Variants in BPIFB2 observed in about 807,000 individuals in gnomAD.
The protein encoded by BPIFB2 is BPI fold containing family B member 2.
BPIFB2 carries 39 observed loss-of-function variants against 50.1 expected under a neutral mutation model. That is an observed-to-expected ratio of 0.78 (90% CI 0.60 to 1.02). The LOEUF (loss-of-function observed/expected upper bound fraction) is 1.02. Ranked by LOEUF, BPIFB2 falls within the 50% of genes least tolerant of loss-of-function variation. The probability of loss-of-function intolerance (pLI) is 0.00; values close to 1 mark genes in which losing one functional copy is unlikely to be tolerated. For synonymous variants in BPIFB2, 280 were observed against 256.3 expected (o/e 1.09, Z -0.88); for missense variants, 574 against 585.8 (o/e 0.98, Z 0.21).
At chr20:33,018,477 G>T in intron 8 of BPIFB2, 127 bp downstream of exon 8, 2 of 1,278,622 alleles carry the variant, frequency 1.6e-6, no homozygotes, top group Non-Finnish European at 2.2e-6. Context: ...TGTCCCAGCC[G>T]GGAGCATGCC....
rs745651259 is a variant in BPIFB2, at chr20:33,021,334, C to T, written c.1248C>T (p.Asp416=). ...MGTVFEKPLL[D]HLNALLAMGI... ...CCGTTTTTGAGAAGCCCCTGCTGGA[C>T]CATCTCAATGGTAAGCCCTGCCCTC... is the stretch of plus-strand genomic sequence containing the variant. The change falls in exon 14 of 16, where the codon GAC becomes GAT. Residue 416 remains aspartate, a synonymous_variant. Transcript: ENST00000170150. The T allele has an allele frequency of 6.2e-7, 1 of 1,613,482 alleles. No homozygotes were observed. The highest frequency in any genetic ancestry group is 1.3e-5 in the African/African-American group (1 of 75,040).
chr20:33,011,058 C>G lies in BPIFB2; in HGVS notation c.144C>G (p.Ala48=), dbSNP rs779691278. The G allele has an allele frequency of 1.4e-5, 22 of 1,613,932 alleles. No individual in the cohort carries two copies. The Admixed American group carries it at 3.0e-4, about 22-fold the overall frequency. Residue 48 remains alanine (A), a synonymous_variant, in exon 3 of 16, where the codon GCC becomes GCG. Transcript: ENST00000170150. ...SEIGKAPLQR[A]LQVTVPHFLD... ...TTGGGAAAGCCCCTCTCCAGCGGGC[C>G]CTGCAGGTCACTGTCCCTCATTTCC...
chr20:33,010,975 T>C (rs6120085), intron 2 of BPIFB2, 49 bp from the exon 3 acceptor site: 438,807 of 1,503,296 alleles, frequency 0.29, 66,213 homozygotes, highest in Admixed American at 0.38. Flanking sequence ...TTCTTGCTAC[T>C]TGGTGGTTCC....
chr20:33,011,330 A>C (rs1990285394), intron 3 of BPIFB2, among the ~76,000 whole-genome samples: 1 of 152,212 alleles, frequency 6.6e-6, no homozygotes, highest in Non-Finnish European at 1.5e-5. Flanking sequence ...AAGATGATTT[A>C]AGAGAGGGAC....
chr20:33,014,001 A>T, intron 5 of BPIFB2, 45 bp downstream of exon 5: 1 of 1,588,848 alleles, frequency 6.3e-7, no homozygotes, highest in South Asian at 1.1e-5. Context: ...CCAGATGCCA[A>T]AGCTGTGCTG....
At chr20:33,022,054 CTGG>C (rs1487455078) in intron 15 of BPIFB2, among the ~76,000 whole-genome samples, 1 of 152,192 alleles carries the variant, frequency 6.6e-6, no homozygotes, top group Non-Finnish European at 1.5e-5. Flanking sequence ...ATCCTGTGCC[CTGG>C]AATGGGCACA....
intron 6 of BPIFB2, 134 bp from the exon 7 acceptor site, chr20:33,016,908 G>A (rs1978450065): frequency 1.3e-6 from 1 of 754,496 alleles, no homozygotes; most frequent in East Asian, 2.6e-5. Context: ...ACTGGCGGGT[G>A]GAGGAAGGGA....
At chr20:33,011,966 T>C (rs1990295168) in intron 3 of BPIFB2, among the ~76,000 whole-genome samples, 1 of 152,084 alleles carries the variant, frequency 6.6e-6, no homozygotes. Flanking sequence ...ACGACAAGAA[T>C]GAAACTCTGT....
intron 11 of BPIFB2, 114 bp downstream of exon 11, chr20:33,019,864 A>T: frequency 7.7e-7 from 1 of 1,303,984 alleles, no homozygotes; most frequent in South Asian, 1.7e-5. Flanking sequence ...CTGTTCCTTG[A>T]ATGTGTCAGG....
Position 33,012,840 on chromosome 20 carries a change from C to T in BPIFB2, c.241C>T (p.Leu81=). The T allele has an allele frequency of 6.2e-7, 1 of 1,614,108 alleles. No individual in the cohort carries two copies. Among genetic ancestry groups the T allele is most frequent in the Non-Finnish European group, 8.5e-7 (1 of 1,179,972 alleles). ...ILNVHVPRLH[L]KFIAGFGVRL... ...GAATGTCCATGTGCCCCGCCTCCAC[C>T]TGAAATTCATTGCTGGTTTCGGAGT... Residue 81 remains leucine, a synonymous_variant, in exon 4 of 16, where the codon CTG becomes TTG. Coordinates refer to ENST00000170150, the MANE Select transcript of BPIFB2 (RefSeq NM_025227.3).
Position 33,014,565 on chromosome 20 carries a change from G to A in BPIFB2, c.455+609G>A, listed in dbSNP as rs77280177. ...TGCCTAAGGCCACCGGCTGACAAAT[G>A]GTGTAACCACATTCAGGCCCAGGCA... On this transcript the variant is annotated intron_variant, in intron 5 of 15. Coordinates refer to ENST00000170150, the MANE Select transcript of BPIFB2 (RefSeq NM_025227.3). Among the ~76,000 whole-genome samples, 1,207 of 152,290 alleles carry A rather than the reference G, an allele frequency of 7.9e-3. 13 individuals carry two copies. The highest frequency in any genetic ancestry group is 0.027 in the African/African-American group (1,140 of 41,564).
At chr20:33,010,581 C>T (rs61679543) in intron 2 of BPIFB2, among the ~76,000 whole-genome samples, 10,072 of 152,006 alleles carry the variant, frequency 0.066, 910 homozygotes, top group African/African-American at 0.21. Flanking sequence ...GTCCTCAGCC[C>T]CCAGGTGAGG....
intron 3 of BPIFB2, 50 bp from the exon 4 acceptor site, chr20:33,012,753 T>A (rs1231478240): frequency 1.4e-6 from 2 of 1,446,080 alleles, no homozygotes; most frequent in African/African-American, 2.8e-5. Context: ...CCAGAGTTGA[T>A]CCCATGGTTT....
intron 2 of BPIFB2, among the ~76,000 whole-genome samples, 158 bp from the exon 3 acceptor site, chr20:33,010,866 T>G (rs761521549): frequency 2.8e-4 from 43 of 152,028 alleles, no homozygotes; most frequent in Non-Finnish European, 5.3e-4. Context: ...GGTGGGCTCA[T>G]GGGGAGTCAG....
chr20:33,018,267 C>A lies in BPIFB2; in HGVS notation c.586C>A (p.Pro196Thr). 1 of 1,612,964 alleles carries A rather than the reference C, an allele frequency of 6.2e-7. No individual in the cohort carries two copies. The highest frequency in any genetic ancestry group is 1.1e-5 in the South Asian group (1 of 90,998). Residue 196 changes from proline to threonine, a missense_variant, in exon 8 of 16, where the codon CCC becomes ACC. Pro to Thr is a conservative substitution (Grantham distance 38). Transcript: ENST00000170150. ...ACCCTGGTTTCATGAAGGCCTCAAC[C>A]CCGTGGGTCCTGAGTCCCAGATCCG... ...VHLGTLIGLN[P>T]VGPESQIRYS...
At chr20:33,013,715 G>C in intron 4 of BPIFB2, 95 bp from the exon 5 acceptor site, 1 of 1,497,988 alleles carries the variant, frequency 6.7e-7, no homozygotes, top group East Asian at 2.3e-5. Context: ...CAAGTGGAGG[G>C]CAGGCAGGGG....
rs773592307 is a variant in BPIFB2, at chr20:33,023,427, C to G, written c.*44C>G. On this transcript the variant is annotated 3_prime_UTR_variant, in exon 16 of 16. Transcript: ENST00000170150. ...CCTGAGAGTGGGCCAGCTCGCTGCTCAGGCGAATTTCTCATTTCAAGCCAC... is the reference window on the plus strand; with the variant it reads ...CCTGAGAGTGGGCCAGCTCGCTGCTGAGGCGAATTTCTCATTTCAAGCCAC... The G allele has an allele frequency of 1.3e-6, 2 of 1,598,332 alleles. No homozygotes were observed. Among genetic ancestry groups the G allele is most frequent in the East Asian group, 4.5e-5 (2 of 44,784 alleles).
chr20:33,008,623 G>A lies in BPIFB2; in HGVS notation c.49G>A (p.Val17Met), dbSNP rs749266501. The change falls in exon 2 of 16, where the codon GTG becomes ATG. Residue 17 changes from valine (V) to methionine (M), a missense_variant. Physicochemically the swap from Val to Met is conservative, Grantham distance 21. Transcript: ENST00000170150. ...CCTGCTGCTGGCACTGCTGCTGCCC[G>A]TGGTCGGTGCCTCCACGCCAGGCAC... ...LGLLLALLLP[V>M]VGASTPGTVV... 26 of 1,607,330 alleles carry A rather than the reference G, an allele frequency of 1.6e-5. No individual in the cohort carries two copies. The highest frequency in any genetic ancestry group is 1.2e-5 in the Non-Finnish European group (14 of 1,177,090).
At chr20:33,010,929 T>G (rs1488399655) in intron 2 of BPIFB2, 95 bp from the exon 3 acceptor site, 5 of 1,095,790 alleles carry the variant, frequency 4.6e-6, no homozygotes, top group Non-Finnish European at 6.9e-6. Flanking sequence ...CTGAGTACCC[T>G]CTGCCCAAGG....
Sources: allele counts gnomAD v4.1 joint callset (sites outside exome capture counted in the v4.1 genomes callset), GRCh38; gene constraint gnomAD v4.1.1; transcripts MANE v1.5; gene names NCBI Gene and HGNC (gene_info 2026-07-23, HGNC 2026-07-21).